The following AGAP2 variants were observed in gnomAD, a reference collection of about 807,000 sequenced individuals.
AGAP2 encodes ArfGAP with GTPase domain, ankyrin repeat and PH domain 2, also known as arf-GAP with GTPase, ANK repeat and PH domain-containing protein 2.
Under a neutral mutation model 110.9 loss-of-function variants are expected in AGAP2, and 32 were observed. That is an observed-to-expected ratio of 0.29 (90% confidence interval 0.22 to 0.39). The LOEUF (loss-of-function observed/expected upper bound fraction) is 0.39. Ranked by LOEUF, AGAP2 falls within the 10% of genes least tolerant of loss-of-function variation. The pLI, the probability that AGAP2 is intolerant of heterozygous loss-of-function variation, is 1.00. For missense variants in AGAP2, 1,285 were observed against 1,638.5 expected (o/e 0.78, Z 3.72); for synonymous variants, 702 against 713.0 (o/e 0.98, Z 0.25).
intron 7 of AGAP2, among the ~76,000 whole-genome samples, 158 bp from the exon 8 acceptor site, chr12:57,732,125 C>T (rs1221967053): frequency 6.6e-6 from 1 of 152,184 alleles, no homozygotes; most frequent in Admixed American, 6.5e-5. Context: ...AACATTGTGA[C>T]AATGCTTTAA....
chr12:57,726,893 G>C lies in AGAP2; in HGVS notation c.3336+81C>G. 18 of 1,473,218 alleles carry C rather than the reference G, an allele frequency of 1.2e-5. No homozygotes were observed. The highest frequency in any genetic ancestry group is 1.6e-5 in the Non-Finnish European group (18 of 1,118,156). 91.3% of individuals were successfully genotyped at this position (1,473,218 alleles called of 1,614,324 possible). A position where few individuals can be genotyped will look rare whatever the true frequency, so the allele number is the denominator to read the frequency against. On this transcript the variant is annotated intron_variant, in intron 18 of 18. Transcript: ENST00000547588. This position sits in a 1 kb window ranked among gnomAD's most constrained non-coding sequence, Gnocchi z 5.7. ...CCAAGCCTACTTCCGGGGTCCCTCT[G>C]GGAATTTCGGGCTTTCCCGCGCCAG... is the stretch of plus-strand genomic sequence containing the variant.
Position 57,737,270 on chromosome 12 carries a change from G to A in AGAP2, c.977C>T (p.Pro326Leu). The A allele has an allele frequency of 6.2e-7, 1 of 1,613,280 alleles. No individual in the cohort carries two copies. Among genetic ancestry groups the A allele is most frequent in the Non-Finnish European group, 8.5e-7 (1 of 1,179,730 alleles). ...CCCCTCCCGGCCCCGTTTCAGCCCC[G>A]GAGCTGGAGGCTCCAGAGTGATTGG... ...APPITLEPPA[P>L]GLKRGREGGR... is the part of the protein sequence containing the mutation. Residue 326 changes from proline to leucine, a missense_variant, in exon 1 of 19, where the codon CCG becomes CTG. Transcript: ENST00000547588. The surrounding 1 kb of genome is among the most constrained non-coding windows in gnomAD (Gnocchi z 5.9).
chr12:57,736,910 G>A (rs1303349118), intron 1 of AGAP2, among the ~76,000 whole-genome samples, 169 bp downstream of exon 1: 1 of 152,178 alleles, frequency 6.6e-6, no homozygotes, highest in African/African-American at 2.4e-5. Flanking sequence ...TACTCGCCCC[G>A]CTTCAGGACT....
In AGAP2 at chr12:57,737,824, C is replaced by T; in HGVS notation, c.423G>A (p.Arg141=). Residue 141 remains arginine (R), a synonymous_variant, in exon 1 of 19, where the codon CGG becomes CGA. Coordinates refer to ENST00000547588, the MANE Select transcript of AGAP2 (RefSeq NM_001122772.3). The surrounding 1 kb of genome is among the most constrained non-coding windows in gnomAD (Gnocchi z 5.9). The part of the protein sequence containing the change: ...PKPGGAPTSS[R]RPLLSSPSWG... The stretch of plus-strand genomic sequence containing the variant: ...AGCTCGGGCTGCTGAGCAGGGGGCG[C>T]CGGGAGGAGGTGGGGGCGCCCCCAG... 2 of 1,493,766 alleles carry T rather than the reference C, an allele frequency of 1.3e-6. No individual in the cohort carries two copies. Among genetic ancestry groups the T allele is most frequent in the South Asian group, 2.6e-5 (2 of 78,118 alleles). The allele number at this position is 1,493,766 out of a possible 1,614,324, so 92.5% of individuals were successfully genotyped here.
At chr12:57,728,179 C>T in intron 14 of AGAP2, 94 bp from the exon 15 acceptor site, 1 of 1,530,842 alleles carries the variant, frequency 6.5e-7, no homozygotes, top group East Asian at 2.3e-5. Context: ...ATCCCGAGCC[C>T]CTGGGAGTGG....
Position 57,727,929 on chromosome 12 carries a change from A to T in AGAP2, c.2766+8T>A. 1 of 1,612,470 alleles carries T rather than the reference A, an allele frequency of 6.2e-7. No individual in the cohort carries two copies. The highest frequency in any genetic ancestry group is 8.5e-7 in the Non-Finnish European group (1 of 1,179,684). On this transcript the variant is annotated splice_region_variant and intron_variant, in intron 15 of 18. Transcript: ENST00000547588. Reference sequence around the variant, plus strand: ...CGGCCAGTCCTCCACTCCACCTCAAACTCTTACCTTGACCTTGCTGCTCTC... The same window carrying T: ...CGGCCAGTCCTCCACTCCACCTCAATCTCTTACCTTGACCTTGCTGCTCTC...
At chr12:57,730,086 CATTT>C (rs963128511) in intron 12 of AGAP2, among the ~76,000 whole-genome samples, 1 of 151,672 alleles carries the variant, frequency 6.6e-6, no homozygotes, top group Admixed American at 6.6e-5. Flanking sequence ...TTGTAAGGAT[CATTT>C]GTTTACAATG....
In AGAP2 at chr12:57,726,861, C is replaced by G; in HGVS notation, c.3337-67G>C. On this transcript the variant is annotated intron_variant, in intron 18 of 18. Transcript: ENST00000547588. This position sits in a 1 kb window ranked among gnomAD's most constrained non-coding sequence, Gnocchi z 5.7. ...CGCCCACACCCGGCGCCGCCTCCCC[C>G]ACATGGCCAAGCCTACTTCCGGGGT... 2 of 1,442,830 alleles carry G rather than the reference C, an allele frequency of 1.4e-6. No individual in the cohort carries two copies. Among genetic ancestry groups the G allele is most frequent in the Non-Finnish European group, 9.1e-7 (1 of 1,103,418 alleles). The allele number at this position is 1,442,830 out of a possible 1,614,324, so 89.4% of individuals were successfully genotyped here.
At position 57,738,178 on chromosome 12, in the gene AGAP2, C is replaced by G; in HGVS notation, c.69G>C (p.Lys23Asn). The G allele has an allele frequency of 6.6e-7, 1 of 1,525,564 alleles. No individual in the cohort carries two copies. The allele number at this position is 1,525,564 out of a possible 1,614,324, so 94.5% of individuals were successfully genotyped here. ...TTYLISLTLVKLESVPPPPPS... is the reference protein window; with the variant it reads ...TTYLISLTLVNLESVPPPPPS... ...GCGGCGGCGGAGGCACCGACTCGAG[C>G]TTAACCAGGGTCAGCGAGATGAGGT... Residue 23 changes from lysine (K) to asparagine (N), a missense_variant, in exon 1 of 19, where the codon AAG (lysine) becomes AAC (asparagine). Physicochemically the swap from Lys to Asn is moderately conservative, Grantham distance 94 (BLOSUM62 0). Around this residue, in one of 7 missense-constraint regions of AGAP2, gnomAD observed 844 missense variants for 941.2 expected, o/e 0.90. Transcript: ENST00000547588. The surrounding 1 kb of genome is among the most constrained non-coding windows in gnomAD (Gnocchi z 6.7).
chr12:57,737,350 C>G lies in AGAP2; in HGVS notation c.897G>C (p.Pro299=), dbSNP rs780698460. 1 of 1,613,682 alleles carries G rather than the reference C, an allele frequency of 6.2e-7. No individual in the cohort carries two copies. Among genetic ancestry groups the G allele is most frequent in the African/African-American group, 1.3e-5 (1 of 74,932 alleles). ...CAGCGGTGACAGCAGTGGCTGGACT[C>G]GGAGTTGGTGGGAGGGTTAGCGGAG... The part of the protein sequence containing the change: ...SPPPLTLPPT[P]SPATAVTAAS... The change falls in exon 1 of 19, where the codon CCG becomes CCC. Residue 299 remains proline (P), a synonymous_variant. Transcript: ENST00000547588. The surrounding 1 kb of genome is among the most constrained non-coding windows in gnomAD (Gnocchi z 5.9).
chr12:57,727,196 G>A lies in AGAP2; in HGVS notation c.3114C>T (p.Tyr1038=), dbSNP rs141961838. The change falls in exon 18 of 19, where the codon TAC becomes TAT. Residue 1038 remains tyrosine, a synonymous_variant. Coordinates refer to ENST00000547588, the MANE Select transcript of AGAP2 (RefSeq NM_001122772.3). ...GCGGCGCCAGGAACAGTAGCTGCTC[G>A]TACTTGGCGCGAATCCACGACTCGC... ...EERESWIRAK[Y]EQLLFLAPLS... 1 of 1,611,514 alleles carries A rather than the reference G, an allele frequency of 6.2e-7. No individual in the cohort carries two copies. The highest frequency in any genetic ancestry group is 8.5e-7 in the Non-Finnish European group (1 of 1,179,478).
At chr12:57,739,084 G>A (rs1955045405), upstream of AGAP2, among the ~76,000 whole-genome samples, 1 of 151,914 alleles carries the variant, frequency 6.6e-6, no homozygotes, top group Admixed American at 6.6e-5. Context: ...CAAATCCTGG[G>A]CTGGATTTCC....
upstream of AGAP2, among the ~76,000 whole-genome samples, chr12:57,739,324 C>T (rs1021634122): frequency 7.9e-5 from 12 of 152,220 alleles, no homozygotes; most frequent in East Asian, 2.1e-3. Context: ...TCTTGTCTCC[C>T]CCAGGTACCT....
chr12:57,732,603 C>T, intron 6 of AGAP2, 91 bp from the exon 7 acceptor site: 2 of 1,338,822 alleles, frequency 1.5e-6, no homozygotes, highest in Non-Finnish European at 2.1e-6. Flanking sequence ...CAGTAGACAA[C>T]ACAGGACCCA....
chr12:57,732,135 A>G (rs1954898228), intron 7 of AGAP2, among the ~76,000 whole-genome samples, 168 bp from the exon 8 acceptor site: 1 of 152,198 alleles, frequency 6.6e-6, no homozygotes, highest in Non-Finnish European at 1.5e-5. Flanking sequence ...CAATGCTTTA[A>G]ATGTTGTAAA....
chr12:57,729,366 G>A (rs1954840010), intron 13 of AGAP2, among the ~76,000 whole-genome samples: 1 of 151,718 alleles, frequency 6.6e-6, no homozygotes, highest in South Asian at 2.1e-4. Flanking sequence ...GGAAGGAAGA[G>A]GAACTAGAAC....
chr12:57,731,663 A>C (rs1367854207), intron 8 of AGAP2, 21 bp from the exon 9 acceptor site: 1 of 1,613,906 alleles, frequency 6.2e-7, no homozygotes, highest in East Asian at 2.2e-5. Flanking sequence ...TATTGGAATC[A>C]GTTTGAGGAT....
chr12:57,730,138 A>G (rs1418672526), intron 12 of AGAP2, among the ~76,000 whole-genome samples: 1 of 151,706 alleles, frequency 6.6e-6, no homozygotes, highest in African/African-American at 2.4e-5. Context: ...TTTTTCAAAC[A>G]TGTCAAACAT....
chr12:57,730,888 G>T lies in AGAP2; in HGVS notation c.2211C>A (p.Gly737=). ...DLLRTTVKVP[G]KRPPRAISAF... ...CAGAGATGGCCCTCGGGGGCCGCTT[G>T]CCCGGGACTTTGACTGTTGTTCGCA... is the stretch of plus-strand genomic sequence containing the variant. The change falls in exon 11 of 19, where the codon GGC becomes GGA. Residue 737 remains glycine, a synonymous_variant. Transcript: ENST00000547588. The T allele has an allele frequency of 6.2e-7, 1 of 1,606,984 alleles. No individual in the cohort carries two copies. Among genetic ancestry groups the T allele is most frequent in the Non-Finnish European group, 8.5e-7 (1 of 1,176,704 alleles).
Sources: gnomAD v4.1 joint callset for allele counts (sites outside exome capture counted in the v4.1 genomes callset) on GRCh38, gnomAD v4.1.1 for gene constraint, gnomAD v4.1.1 regional missense constraint, Gnocchi (gnomAD v3.1) non-coding constraint, MANE v1.5 for transcripts, NCBI Gene and HGNC (gene_info 2026-07-23, HGNC 2026-07-21) for gene names.